Variants in POLR2F observed in about 807,000 individuals in gnomAD.
POLR2F encodes DNA-directed RNA polymerases I, II, and III subunit RPABC2.
A neutral mutation model predicts 22.7 loss-of-function variants in POLR2F; 12 were observed. That is an observed-to-expected ratio of 0.53 (90% confidence interval 0.34 to 0.86). The LOEUF is 0.86. POLR2F is among the 40% of genes least tolerant of loss of function. The pLI is 0.02. For synonymous variants in POLR2F, 57 were observed against 66.0 expected, an observed-to-expected ratio of 0.86 and a Z score of 0.66; for missense variants, 126 against 171.5, an observed-to-expected ratio of 0.73 and a Z score of 1.48.
At chr22:37,967,539 C>G in intron 4 of POLR2F, 86 bp from the exon 5 acceptor site, 1 of 1,563,216 alleles carries the variant, frequency 6.4e-7, no homozygotes, top group Non-Finnish European at 8.6e-7. Flanking sequence ...CTTCTCTTTG[C>G]TTGTGTTTTG....
At position 38,016,240 on chromosome 22, in the gene POLR2F, A is replaced by G. The variant is rs1038988887; in HGVS notation, c.121-9629A>G. Among the ~76,000 whole-genome samples, 7 of 152,224 alleles carry G rather than the reference A, an allele frequency of 4.6e-5. No individual in the cohort carries two copies. The highest frequency in any genetic ancestry group is 7.3e-5 in the Non-Finnish European group (5 of 68,036). The stretch of plus-strand genomic sequence containing the variant: ...CCTGGGGTCATCATCATGTAGACCC[A>G]AAGTGGGCTCTGACCACACCCTTGG... On this transcript the variant is annotated intron_variant, in intron 1 of 2. Transcript: ENST00000333418. The surrounding 1 kb of genome is among the most constrained non-coding windows in gnomAD (Gnocchi z 4.4).
chr22:37,953,760 G>A lies in POLR2F; in HGVS notation c.-28G>A, dbSNP rs1261070212. The A allele has an allele frequency of 8.7e-6, 14 of 1,604,522 alleles. No homozygotes were observed. The highest frequency in any genetic ancestry group is 1.2e-5 in the Non-Finnish European group (14 of 1,177,750). The stretch of plus-strand genomic sequence containing the variant: ...GCGGGTCTCCGCGCGGGACCGGGGC[G>A]CAGCGGGGTCGCTGAGGCGAGGGTG... On this transcript the variant is annotated 5_prime_UTR_variant, in exon 1 of 5. Transcript: ENST00000442738.
chr22:38,000,444 T>C (rs548417745), intron 1 of POLR2F, among the ~76,000 whole-genome samples: 4 of 152,168 alleles, frequency 2.6e-5, no homozygotes, highest in Admixed American at 2.0e-4. Flanking sequence ...TCCTTACTTA[T>C]AGCTGGGGTG....
intron 1 of POLR2F, among the ~76,000 whole-genome samples, chr22:37,956,372 A>G (rs1931398303): frequency 6.6e-6 from 1 of 151,828 alleles, no homozygotes; most frequent in South Asian, 2.1e-4. Flanking sequence ...CCAGAGCCAC[A>G]ATACAAAGCC....
chr22:37,969,357 C>T, downstream of POLR2F: 2 of 981,036 alleles, frequency 2.0e-6, no homozygotes, highest in Non-Finnish European at 2.4e-6. Context: ...TCTCTTGAGT[C>T]ATTTCCAGAA....
chr22:37,986,583 C>G lies in POLR2F; in HGVS notation c.120+271C>G. The G allele has an allele frequency of 1.3e-6, 1 of 740,794 alleles. No individual in the cohort carries two copies. Among genetic ancestry groups the G allele is most frequent in the Non-Finnish European group, 2.4e-6 (1 of 423,642 alleles). 45.9% of individuals were successfully genotyped at this position (740,794 alleles called of 1,614,324 possible). On this transcript the variant is annotated intron_variant, in intron 1 of 2. Coordinates refer to the POLR2F transcript ENST00000333418. This position sits in a 1 kb window ranked among gnomAD's most constrained non-coding sequence, Gnocchi z 4.7. ...GGCACGCTCTGTCTGCAGGAAGCCACGCTAGACAGAAGGGGCCACTCCCTC... is the reference window on the plus strand; with the variant it reads ...GGCACGCTCTGTCTGCAGGAAGCCAGGCTAGACAGAAGGGGCCACTCCCTC...
At chr22:37,959,655 CTAA>C in intron 3 of POLR2F, among the ~76,000 whole-genome samples, 179 bp downstream of exon 3, 1 of 151,104 alleles carries the variant, frequency 6.6e-6, no homozygotes, top group Non-Finnish European at 1.5e-5. Context: ...AGCTTGTGAT[CTAA>C]TAGGAGAACT....
At chr22:37,983,739 C>T (rs1450100008), upstream of POLR2F, 10 of 1,484,544 alleles carry the variant, frequency 6.7e-6, no homozygotes, top group Middle Eastern at 2.1e-4. This position sits in a 1 kb window ranked among gnomAD's most constrained non-coding sequence, Gnocchi z 9.5. Flanking sequence ...TCCTCCGAGC[C>T]CACGGGGCTC....
chr22:38,008,142 A>G (rs897254802), intron 1 of POLR2F, among the ~76,000 whole-genome samples: 4 of 152,196 alleles, frequency 2.6e-5, no homozygotes, highest in Non-Finnish European at 5.9e-5. Flanking sequence ...CAGGAGACTG[A>G]GGCAGGAGAA....
intron 1 of POLR2F, among the ~76,000 whole-genome samples, chr22:38,010,571 A>G (rs1601905696): frequency 7.7e-6 from 1 of 130,230 alleles, no homozygotes; most frequent in African/African-American, 2.9e-5. Context: ...AAATATGTAT[A>G]TGTAATAAAT....
downstream of POLR2F, chr22:37,973,700 T>C: frequency 6.2e-7 from 1 of 1,607,880 alleles, no homozygotes; most frequent in Non-Finnish European, 8.5e-7. Flanking sequence ...GTAGTCAAAC[T>C]GGGGGCGGGA....
At chr22:37,993,937 C>T (rs1271552500) in intron 1 of POLR2F, among the ~76,000 whole-genome samples, 3 of 152,132 alleles carry the variant, frequency 2.0e-5, no homozygotes, top group Non-Finnish European at 2.9e-5. Flanking sequence ...TGCAGTGAGC[C>T]GAGATCGCGC....
At chr22:37,958,187 C>CTTTT (rs555979060) in intron 2 of POLR2F, among the ~76,000 whole-genome samples, 1 of 133,300 alleles carries the variant, frequency 7.5e-6, no homozygotes, top group Non-Finnish European at 1.6e-5. Context: ...TCAGAGTCAA[C>CTTTT]TTTTTTTTTT....
In POLR2F at chr22:37,997,346, C is replaced by T. The variant is rs1472786757; in HGVS notation, c.120+11034C>T. Among the ~76,000 whole-genome samples, 1 of 152,086 alleles carries T rather than the reference C, an allele frequency of 6.6e-6. No individual in the cohort carries two copies. The highest frequency in any genetic ancestry group is 2.4e-5 in the African/African-American group (1 of 41,374). Reference sequence around the variant, plus strand: ...CTCTGGGAAGCTTTTTAATTTTGACCCCACATCCCACAGTTGGTCGCTCCT... The same window carrying T: ...CTCTGGGAAGCTTTTTAATTTTGACTCCACATCCCACAGTTGGTCGCTCCT... On this transcript the variant is annotated intron_variant, in intron 1 of 2. Coordinates refer to the POLR2F transcript ENST00000333418. The surrounding 1 kb of genome is among the most constrained non-coding windows in gnomAD (Gnocchi z 4.4).
intron 1 of POLR2F, chr22:37,988,013 G>T (rs1932631098): frequency 6.6e-6 from 1 of 152,250 alleles, no homozygotes; most frequent in Non-Finnish European, 1.5e-5. Context: ...ACAATCACTT[G>T]TGGAGTTAAG....
Position 37,956,860 on chromosome 22 carries a change from G to C in POLR2F, c.90+18G>C. ...CCGAAGAGGTCAGTATTCAGCCTCA[G>C]GCTCCCACCTCTGCAGCCCAAGCTG... On this transcript the variant is annotated intron_variant, in intron 2 of 4. Coordinates refer to ENST00000442738, the MANE Select transcript of POLR2F (RefSeq NM_021974.5). 1 of 1,596,388 alleles carries C rather than the reference G, an allele frequency of 6.3e-7. No individual in the cohort carries two copies. Among genetic ancestry groups the C allele is most frequent in the African/African-American group, 1.3e-5 (1 of 74,700 alleles).
At chr22:37,973,446 C>T, downstream of POLR2F, 1 of 1,275,986 alleles carries the variant, frequency 7.8e-7, no homozygotes, top group Admixed American at 2.2e-5. Context: ...ACAGGGCACA[C>T]AGGCTGGGGG....
rs2084914523 is a variant in POLR2F at position 38,016,261 on chromosome 22, C to CT, written c.121-9606dup. On this transcript the variant is annotated intron_variant, in intron 1 of 2. Coordinates refer to the POLR2F transcript ENST00000333418. The surrounding 1 kb of genome is among the most constrained non-coding windows in gnomAD (Gnocchi z 4.4). The stretch of plus-strand genomic sequence containing the variant: ...ACCCAAAGTGGGCTCTGACCACACC[C>CT]TTGGGGGTCATTTCAGAAGGCCTCC... Among the ~76,000 whole-genome samples the CT allele has an allele frequency of 1.3e-5, 2 of 152,226 alleles. No homozygotes were observed. The highest frequency in any genetic ancestry group is 4.8e-5 in the African/African-American group (2 of 41,462).
chr22:38,028,489 C>T (rs1001932578), downstream of POLR2F, among the ~76,000 whole-genome samples: 6 of 151,154 alleles, frequency 4.0e-5, no homozygotes, highest in South Asian at 2.1e-4. Flanking sequence ...TCTGTGTGTG[C>T]GTGTGTGTGT....
Sources: gnomAD v4.1 joint callset for allele counts (sites outside exome capture counted in the v4.1 genomes callset) on GRCh38, gnomAD v4.1.1 for gene constraint, Gnocchi (gnomAD v3.1) non-coding constraint, MANE v1.5 for transcripts, NCBI Gene and HGNC (gene_info 2026-07-23, HGNC 2026-07-21) for gene names.